The following NTN1 variants were observed in gnomAD, a reference collection of about 807,000 sequenced individuals.
The protein encoded by NTN1 is netrin 1.
Under a neutral mutation model 54.2 loss-of-function variants are expected in NTN1, and 11 were observed. The ratio of observed to expected loss-of-function variants is 0.20; its 90% CI spans 0.13 to 0.34. The LOEUF (loss-of-function observed/expected upper bound fraction) is 0.34. NTN1 is among the 10% of genes least tolerant of loss of function. The probability of loss-of-function intolerance (pLI) is 1.00; values close to 1 mark genes in which losing one functional copy is unlikely to be tolerated. For missense variants in NTN1, 740 were observed against 893.1 expected (o/e 0.83, Z 2.18); for synonymous variants, 371 against 382.0 (o/e 0.97, Z 0.33).
rs544065038 is a variant in NTN1, at chr17:9,209,401, A to G, written c.1412-11767A>G. ...GCTCTTGAGGAAGAAAGGAAAATCGATATTGCAGGGGGCCAGAGCGGACCT... is the reference window on the plus strand; with the variant it reads ...GCTCTTGAGGAAGAAAGGAAAATCGGTATTGCAGGGGGCCAGAGCGGACCT... On this transcript the variant is annotated intron_variant, in intron 5 of 6. Transcript: ENST00000173229. Among the ~76,000 whole-genome samples, 6 of 152,332 alleles carry G rather than the reference A, an allele frequency of 3.9e-5. No individual in the cohort carries two copies. The East Asian group carries it at 1.2e-3, about 29-fold the overall frequency.
intron 2 of NTN1, among the ~76,000 whole-genome samples, chr17:9,069,801 C>T (rs1014329457): frequency 1.3e-5 from 2 of 152,190 alleles, no homozygotes; most frequent in Admixed American, 6.5e-5. Context: ...ATTAACAACA[C>T]ATTTAAAGGT....
At chr17:9,118,104 G>A (rs34976231) in intron 2 of NTN1, among the ~76,000 whole-genome samples, 9,510 of 152,232 alleles carry the variant, frequency 0.062, 417 homozygotes, top group Non-Finnish European at 0.096. Flanking sequence ...CCTCAGTTTC[G>A]TCACCTGTAA....
At chr17:9,004,568 A>G in the NTN1 span, among the ~76,000 whole-genome samples, 1 of 151,628 alleles carries the variant, frequency 6.6e-6, no homozygotes, top group East Asian at 2.0e-4. Flanking sequence ...CTGTTGCGGC[A>G]CCCCCAGCCC....
intron 3 of NTN1, among the ~76,000 whole-genome samples, chr17:9,168,251 G>C (rs2092378128): frequency 6.6e-6 from 1 of 152,194 alleles, no homozygotes; most frequent in Non-Finnish European, 1.5e-5. Context: ...TAAAAATCCT[G>C]GCCGGGCACG....
intron 6 of NTN1, among the ~76,000 whole-genome samples, chr17:9,233,546 G>T (rs188997943): frequency 3.9e-5 from 6 of 152,120 alleles, no homozygotes; most frequent in African/African-American, 1.4e-4. Flanking sequence ...GAGCTCACAG[G>T]CTATGGTGGC....
rs563356951 is a variant in NTN1, at chr17:9,185,149, C to T, written c.1411+2180C>T. Among the ~76,000 whole-genome samples, 490 of 152,290 alleles carry T rather than the reference C, an allele frequency of 3.2e-3. 2 individuals carry two copies. Among genetic ancestry groups the T allele is most frequent in the African/African-American group, 0.011 (457 of 41,566 alleles). ...TGCGCTGCCCTACTCTGGGGGTCCT[C>T]GGATGCCCAGGGTGTCTGATGCTCT... On this transcript the variant is annotated intron_variant, in intron 5 of 6. Transcript: ENST00000173229.
Position 9,243,241 on chromosome 17 carries a change from T to TGGGA in NTN1, c.*3282_*3285dup, listed in dbSNP as rs762093049. 4 of 152,030 alleles carry TGGGA rather than the reference T, an allele frequency of 2.6e-5. No individual in the cohort carries two copies. Among genetic ancestry groups the TGGGA allele is most frequent in the Non-Finnish European group, 4.4e-5 (3 of 68,002 alleles). The allele number at this position is 152,030 out of a possible 1,614,324, so 9.4% of individuals were successfully genotyped here. ...GGCAGCATCCCCAGGGGCCTCTATG[T>TGGGA]GGGAGGGAGGGACACCTGGGGTCAC... On this transcript the variant is annotated 3_prime_UTR_variant, in exon 7 of 7. Coordinates refer to ENST00000173229, the MANE Select transcript of NTN1 (RefSeq NM_004822.3).
intron 1 of NTN1, among the ~76,000 whole-genome samples, chr17:9,021,850 T>C (rs1027077687): frequency 6.6e-6 from 1 of 152,044 alleles, no homozygotes; most frequent in Non-Finnish European, 1.5e-5. Flanking sequence ...AACTTTTCTT[T>C]CTCTTTTGCC....
intron 2 of NTN1, among the ~76,000 whole-genome samples, chr17:9,041,346 C>T (rs2091921001): frequency 1.3e-5 from 2 of 152,194 alleles, no homozygotes; most frequent in Admixed American, 6.5e-5. Context: ...CAGTCACTTT[C>T]CATCCTTCAC....
intron 6 of NTN1, among the ~76,000 whole-genome samples, chr17:9,236,696 C>G (rs1351584177): frequency 1.3e-5 from 2 of 152,194 alleles, no homozygotes; most frequent in African/African-American, 2.4e-5. Context: ...GACCACTGTC[C>G]ATTGCTCTAT....
At chr17:9,140,051 T>C (rs1164179701) in intron 2 of NTN1, among the ~76,000 whole-genome samples, 1 of 152,232 alleles carries the variant, frequency 6.6e-6, no homozygotes, top group Admixed American at 6.5e-5. Flanking sequence ...TTTTTAATGC[T>C]GTCCACGATT....
At chr17:9,121,385 C>T (rs1396484366) in intron 2 of NTN1, among the ~76,000 whole-genome samples, 1 of 152,128 alleles carries the variant, frequency 6.6e-6, no homozygotes, top group Admixed American at 6.5e-5. Flanking sequence ...TGCACCTCAT[C>T]CTATTTTTGC....
rs533906562 is a variant in NTN1 at position 9,129,696 on chromosome 17, T to C, written c.1019-33117T>C. On this transcript the variant is annotated intron_variant, in intron 2 of 6. Coordinates refer to ENST00000173229, the MANE Select transcript of NTN1 (RefSeq NM_004822.3). Reference sequence around the variant, plus strand: ...CCATACTGTCACCTCCCGTGCCATTTGGAATGTGGATAACTCAGCATGCAA... The same window carrying C: ...CCATACTGTCACCTCCCGTGCCATTCGGAATGTGGATAACTCAGCATGCAA... Among the ~76,000 whole-genome samples the C allele has an allele frequency of 3.1e-4, 47 of 152,226 alleles. 1 individual carries two copies. Among genetic ancestry groups the C allele is most frequent in the Non-Finnish European group, 6.5e-4 (44 of 68,042 alleles).
In NTN1 at chr17:9,023,287, A is replaced by T. The variant is rs745784631; in HGVS notation, c.914A>T (p.Asp305Val). 1.3e-4 allele frequency: 197 copies of T among 1,555,302 alleles called. No homozygotes were observed. The highest frequency in any genetic ancestry group is 6.7e-4 in the Middle Eastern group (4 of 5,996). ...VRDRDDSLVC[D>V]CRHNTAGPEC... ...GACCGCGACGACAGCCTGGTGTGCG[A>T]CTGCAGGCACAACACGGCCGGCCCG... Residue 305 changes from aspartate (D) to valine (V), a missense_variant, in exon 2 of 7, where the codon GAC becomes GTC. Asp to Val is a radical substitution (Grantham distance 152). Transcript: ENST00000173229.
At chr17:9,084,843 G>C (rs565684148) in intron 2 of NTN1, among the ~76,000 whole-genome samples, 77 of 151,892 alleles carry the variant, frequency 5.1e-4, no homozygotes, top group African/African-American at 1.7e-3. Context: ...AGTAGAGATG[G>C]GGTTTCACTG....
At chr17:9,134,820 T>C (rs1451418321) in intron 2 of NTN1, among the ~76,000 whole-genome samples, 2 of 152,198 alleles carry the variant, frequency 1.3e-5, no homozygotes, top group East Asian at 3.8e-4. Context: ...TGTTGTTTTC[T>C]AGGTATTTGC....
At chr17:9,047,151 C>T (rs1003068124) in intron 2 of NTN1, among the ~76,000 whole-genome samples, 2 of 152,192 alleles carry the variant, frequency 1.3e-5, no homozygotes, top group African/African-American at 4.8e-5. Context: ...GGCTTTTCCT[C>T]GCTGTTGATG....
chr17:9,045,218 C>T (rs1333452569), intron 2 of NTN1, among the ~76,000 whole-genome samples: 1 of 152,214 alleles, frequency 6.6e-6, no homozygotes, highest in African/African-American at 2.4e-5. Context: ...TGCTTTGGCT[C>T]ACTCCCGTCT....
At chr17:9,036,124 G>T (rs2091902685) in intron 2 of NTN1, among the ~76,000 whole-genome samples, 1 of 152,198 alleles carries the variant, frequency 6.6e-6, no homozygotes, top group African/African-American at 2.4e-5. Flanking sequence ...GACTCCCAGG[G>T]TGCTGGGATT....
Sources: gnomAD v4.1 joint callset for allele counts (sites outside exome capture counted in the v4.1 genomes callset) on GRCh38, gnomAD v4.1.1 for gene constraint, MANE v1.5 for transcripts, NCBI Gene and HGNC (gene_info 2026-07-23, HGNC 2026-07-21) for gene names.